The following FGD4 variants were observed in gnomAD, a reference collection of about 807,000 sequenced individuals.
The protein encoded by FGD4 is FYVE, RhoGEF and PH domain-containing protein 4.
Under a neutral mutation model 102.0 loss-of-function variants are expected in FGD4, and 42 were observed. The observed-to-expected ratio is 0.41, with a 90% CI of 0.32 to 0.53. The LOEUF is 0.53. Among genes scored for constraint, FGD4 ranks in the 20% least tolerant of loss-of-function variants. The pLI, the probability that FGD4 is intolerant of heterozygous loss-of-function variation, is 0.21. For missense variants in FGD4, 902 were observed against 1,078.2 expected (o/e 0.84, Z 2.29); for synonymous variants, 380 against 375.7 (o/e 1.01, Z -0.13).
At chr12:32,499,639 G>C (rs771349430) in intron 1 of FGD4, among the ~76,000 whole-genome samples, 9 of 152,204 alleles carry the variant, frequency 5.9e-5, no homozygotes, top group Non-Finnish European at 8.8e-5. Context: ...GGAAACTGGA[G>C]AAAGAAAATA....
At chr12:32,499,273 T>A (rs1358408089) in intron 1 of FGD4, among the ~76,000 whole-genome samples, 1 of 152,240 alleles carries the variant, frequency 6.6e-6, no homozygotes, top group East Asian at 1.9e-4. Context: ...TGGGGATTGT[T>A]GACTGTTGGT....
At chr12:32,640,234 G>C (rs371726396) in intron 16 of FGD4, 42 bp from the exon 17 acceptor site, 1 of 1,613,966 alleles carries the variant, frequency 6.2e-7, no homozygotes, top group Non-Finnish European at 8.5e-7. Context: ...CTTAACAAGC[G>C]AATACATCAC....
intron 1 of FGD4, among the ~76,000 whole-genome samples, chr12:32,519,414 T>C (rs1940264646): frequency 6.6e-6 from 1 of 152,206 alleles, no homozygotes; most frequent in Admixed American, 6.5e-5. Flanking sequence ...TGGATGTATC[T>C]TTTATTTTTA....
chr12:32,402,319 G>A (rs1021718525), intron 1 of FGD4, among the ~76,000 whole-genome samples: 1 of 151,522 alleles, frequency 6.6e-6, no homozygotes, highest in Non-Finnish European at 1.5e-5. Flanking sequence ...GATCGCTTGC[G>A]CTCAGGAGGT....
chr12:32,553,758 G>A (rs1405538548), intron 1 of FGD4, among the ~76,000 whole-genome samples: 3 of 152,040 alleles, frequency 2.0e-5, no homozygotes, highest in Admixed American at 6.6e-5. Context: ...CTCAAATATT[G>A]GCAGCCTATA....
At chr12:32,498,437 G>A (rs1592018886) in intron 1 of FGD4, among the ~76,000 whole-genome samples, 1 of 152,256 alleles carries the variant, frequency 6.6e-6, no homozygotes, top group East Asian at 1.9e-4. Context: ...ATATTTAGTA[G>A]GATCCTATGG....
chr12:32,614,220 G>A (rs1949314564), intron 10 of FGD4, among the ~76,000 whole-genome samples: 1 of 152,200 alleles, frequency 6.6e-6, no homozygotes, highest in Non-Finnish European at 1.5e-5. Flanking sequence ...CAGATCAGCT[G>A]CAGACAAGAG....
At chr12:32,626,446 G>GAAA (rs34938382) in intron 14 of FGD4, among the ~76,000 whole-genome samples, 2 of 101,870 alleles carry the variant, frequency 2.0e-5, no homozygotes, top group African/African-American at 3.4e-5. Flanking sequence ...CTCCATCTCA[G>GAAA]AAAAAAAAAA....
chr12:32,516,161 T>C (rs1300506886), intron 1 of FGD4, among the ~76,000 whole-genome samples: 3 of 152,098 alleles, frequency 2.0e-5, no homozygotes, highest in Non-Finnish European at 4.4e-5. Context: ...TGGAACTAAT[T>C]TCCCTTTTGC....
intron 1 of FGD4, among the ~76,000 whole-genome samples, chr12:32,547,477 A>T (rs1354896221): frequency 6.6e-6 from 1 of 151,914 alleles, no homozygotes; most frequent in East Asian, 1.9e-4. Context: ...ACCACTTACC[A>T]CCTCTTAATC....
chr12:32,564,300 T>C lies in FGD4; in HGVS notation c.319+11T>C, dbSNP rs1592239006. ...GTCCAAAGCCACAAGGTATGCTCAC[T>C]GGGAGTTTGTGTTCGGGGTGGGTAC... is the stretch of plus-strand genomic sequence containing the variant. On this transcript the variant is annotated intron_variant, in intron 2 of 16. Transcript: ENST00000534526. The C allele has an allele frequency of 1.3e-6, 2 of 1,535,212 alleles. No individual in the cohort carries two copies. The highest frequency in any genetic ancestry group is 1.7e-6 in the Non-Finnish European group (2 of 1,146,526).
chr12:32,611,248 C>T lies in FGD4; in HGVS notation c.1714C>T (p.Arg572Trp), dbSNP rs1025203055. Residue 572 changes from arginine (R) to tryptophan (W), a missense_variant, in exon 10 of 17, where the codon CGG becomes TGG. This residue lies in a region of FGD4 where 459 missense variants were observed against 619.0 expected (regional missense o/e 0.74). Transcript: ENST00000534526. The part of the protein sequence containing the change: ...KEGQILKLAA[R>W]NTSAQERYLF... ...AGGACAGATCCTCAAACTAGCTGCT[C>T]GGAACACTTCAGCACAAGAACGCTA... The T allele has an allele frequency of 2.5e-6, 4 of 1,614,130 alleles. No individual in the cohort carries two copies. Among genetic ancestry groups the T allele is most frequent in the Non-Finnish European group, 3.4e-6 (4 of 1,180,028 alleles).
intron 1 of FGD4, among the ~76,000 whole-genome samples, chr12:32,526,651 G>GTGGGAGCTTTGTGCT (rs1941248277): frequency 6.6e-6 from 1 of 152,214 alleles, no homozygotes; most frequent in Admixed American, 6.5e-5. Context: ...CTTCCACACT[G>GTGGGAGCTTTGTGCT]TGGGAGCTTT....
At chr12:32,460,634 T>C (rs2136494310) in intron 1 of FGD4, among the ~76,000 whole-genome samples, 1 of 152,296 alleles carries the variant, frequency 6.6e-6, no homozygotes, top group East Asian at 1.9e-4. Flanking sequence ...GATTGCATGA[T>C]GAAAACTTGA....
At chr12:32,568,133 T>C (rs953655953) in intron 2 of FGD4, among the ~76,000 whole-genome samples, 1 of 152,218 alleles carries the variant, frequency 6.6e-6, no homozygotes, top group African/African-American at 2.4e-5. Context: ...TATTTATAGG[T>C]TTTTAAAAGG....
At chr12:32,426,930 TTCTG>T (rs1941857175) in intron 1 of FGD4, among the ~76,000 whole-genome samples, 1 of 145,586 alleles carries the variant, frequency 6.9e-6, no homozygotes, top group Admixed American at 6.8e-5. Context: ...TCATTTTTTA[TTCTG>T]TCTATCTGAT....
Position 32,582,351 on chromosome 12 carries a change from G to C in FGD4, c.895G>C (p.Gly299Arg), listed in dbSNP as rs774679169. 7 of 1,614,018 alleles carry C rather than the reference G, an allele frequency of 4.3e-6. No homozygotes were observed. In the African/African-American group the frequency reaches 9.3e-5, roughly 22 times the overall value. The change falls in exon 4 of 17, where the codon GGC becomes CGC. Residue 299 changes from glycine (G) to arginine (R), a missense_variant. By Grantham distance (125) the Gly-to-Arg change is moderately radical. Around this residue, in one of 2 missense-constraint regions of FGD4, gnomAD observed 443 missense variants for 459.2 expected, o/e 0.96. Coordinates refer to ENST00000534526, the MANE Select transcript of FGD4 (RefSeq NM_001370298.3). ...CAGTAGCTACAGGACTCCAGGCATAGGCCCAGTGCTCCCCCTAGAAGAAAG... is the reference window on the plus strand; with the variant it reads ...CAGTAGCTACAGGACTCCAGGCATACGCCCAGTGCTCCCCCTAGAAGAAAG... ...SDSSYRTPGI[G>R]PVLPLEERGA...
At chr12:32,625,614 GT>G (rs764383910) in intron 13 of FGD4, 39 bp from the exon 14 acceptor site, 17 of 1,599,232 alleles carry the variant, frequency 1.1e-5, no homozygotes, top group Non-Finnish European at 1.5e-5. Flanking sequence ...GGGAATTATA[GT>G]TTTTTTCTAT....
In FGD4 at chr12:32,536,151, C is replaced by T. The variant is rs1942239651; in HGVS notation, c.167-27986C>T. Among the ~76,000 whole-genome samples the T allele has an allele frequency of 2.6e-5, 4 of 151,900 alleles. No individual in the cohort carries two copies. In the South Asian group the frequency reaches 8.3e-4, roughly 32 times the overall value. ...CTTACGCTTTCAGGCAAACTCCTTTCACATGAAAGAAATGAAATATGATAG... is the reference window on the plus strand; with the variant it reads ...CTTACGCTTTCAGGCAAACTCCTTTTACATGAAAGAAATGAAATATGATAG... On this transcript the variant is annotated intron_variant, in intron 1 of 16. Coordinates refer to ENST00000534526, the MANE Select transcript of FGD4 (RefSeq NM_001370298.3).
Sources: gnomAD v4.1 joint callset for allele counts (sites outside exome capture counted in the v4.1 genomes callset) on GRCh38, gnomAD v4.1.1 for gene constraint, gnomAD v4.1.1 regional missense constraint, MANE v1.5 for transcripts, NCBI Gene and HGNC (gene_info 2026-07-23, HGNC 2026-07-21) for gene names.